SRGAP3: variants seen among roughly 807,000 people sequenced by gnomAD.
SRGAP3 encodes SLIT-ROBO Rho GTPase-activating protein 3.
SRGAP3 carries 39 observed loss-of-function variants against 121.1 expected under a neutral mutation model. The ratio of observed to expected loss-of-function variants is 0.32; its 90% confidence interval spans 0.25 to 0.42. The LOEUF (loss-of-function observed/expected upper bound fraction) is 0.42, where lower values mean the gene tolerates loss of function less well. Ranked by LOEUF, SRGAP3 falls within the 10% of genes least tolerant of loss-of-function variation. SRGAP3 has a pLI of 1.00. For synonymous variants in SRGAP3, 601 were observed against 570.0 expected (o/e 1.05, Z -0.77); for missense variants, 1,213 against 1,470.6 (o/e 0.82, Z 2.86).
chr3:9,121,664 C>T (rs1180754943), intron 2 of SRGAP3, among the ~76,000 whole-genome samples: 1 of 152,220 alleles, frequency 6.6e-6, no homozygotes, highest in Non-Finnish European at 1.5e-5. Flanking sequence ...CCATGAGGGG[C>T]TGGCCGAGCT....
At chr3:9,082,646 G>A (rs1947296507) in intron 3 of SRGAP3, among the ~76,000 whole-genome samples, 2 of 152,172 alleles carry the variant, frequency 1.3e-5, no homozygotes, top group Admixed American at 6.5e-5. Flanking sequence ...CGTGATCTTG[G>A]CTCCCTGAGC....
intron 2 of SRGAP3, among the ~76,000 whole-genome samples, chr3:9,120,765 T>C (rs971422124): frequency 1.3e-5 from 2 of 152,214 alleles, no homozygotes; most frequent in African/African-American, 4.8e-5. Flanking sequence ...TGGATATGTG[T>C]TGTAGAAAAG....
intron 3 of SRGAP3, among the ~76,000 whole-genome samples, chr3:9,322,303 A>G (rs1955450506): frequency 1.3e-5 from 2 of 151,834 alleles, no homozygotes; most frequent in South Asian, 4.1e-4. Context: ...TTTAAGGTGG[A>G]TTGGACTTTC....
intron 1 of SRGAP3, among the ~76,000 whole-genome samples, chr3:9,131,120 G>A (rs549242718): frequency 2.0e-5 from 3 of 152,354 alleles, no homozygotes; most frequent in South Asian, 2.1e-4. Flanking sequence ...AGGAGCCTAC[G>A]AGCTGGCACA....
At chr3:9,050,636 G>A (rs962691422) in intron 9 of SRGAP3, among the ~76,000 whole-genome samples, 2 of 152,226 alleles carry the variant, frequency 1.3e-5, no homozygotes, top group Non-Finnish European at 2.9e-5. Flanking sequence ...ATGACCATTA[G>A]TCATAGATAC....
chr3:9,165,269 G>A (rs1276447364), intron 1 of SRGAP3, among the ~76,000 whole-genome samples: 1 of 152,252 alleles, frequency 6.6e-6, no homozygotes, highest in Non-Finnish European at 1.5e-5. Flanking sequence ...TGCCCACCAT[G>A]TTGGCCAGCA....
chr3:9,348,473 C>A (rs1276953656), intron 1 of SRGAP3: 2 of 705,610 alleles, frequency 2.8e-6, no homozygotes, highest in African/African-American at 1.7e-5. Flanking sequence ...GTTGATCCAG[C>A]ATGGCGAGAG....
chr3:9,233,375 T>G (rs1376683435), intron 1 of SRGAP3, among the ~76,000 whole-genome samples: 2 of 152,226 alleles, frequency 1.3e-5, no homozygotes, highest in Non-Finnish European at 2.9e-5. Flanking sequence ...TCTCTGTGAC[T>G]TTAGCTTAAT....
At chr3:9,180,706 G>A (rs1951361691) in intron 1 of SRGAP3, among the ~76,000 whole-genome samples, 1 of 152,174 alleles carries the variant, frequency 6.6e-6, no homozygotes, top group Admixed American at 6.5e-5. Context: ...CCGCGAATCT[G>A]TCTCCTGGCC....
At chr3:8,994,072 G>A (rs979471095) in intron 19 of SRGAP3, 2 of 489,762 alleles carry the variant, frequency 4.1e-6, no homozygotes, top group South Asian at 4.1e-5. Context: ...GGTGGGTGAT[G>A]GCACTCCCTG....
At chr3:9,045,356 T>G (rs368622799) in intron 10 of SRGAP3, among the ~76,000 whole-genome samples, 6 of 152,126 alleles carry the variant, frequency 3.9e-5, no homozygotes, top group East Asian at 3.9e-4. Context: ...CTTCTGAAAA[T>G]GCATTTTCCG....
intron 1 of SRGAP3, among the ~76,000 whole-genome samples, chr3:9,352,457 A>G (rs1038342354): frequency 6.6e-6 from 1 of 152,014 alleles, no homozygotes; most frequent in African/African-American, 2.4e-5. Flanking sequence ...TATTATTAGT[A>G]GAGATAGGGT....
At position 9,218,554 on chromosome 3, in the gene SRGAP3, G is replaced by A. The variant is rs546956226; in HGVS notation, c.67+30331C>T. The A allele has an allele frequency of 3.3e-5, 5 of 152,214 alleles. No individual in the cohort carries two copies. Among genetic ancestry groups the A allele is most frequent in the African/African-American group, 1.2e-4 (5 of 41,504 alleles). The allele number at this position is 152,214 out of a possible 1,614,324, so 9.4% of individuals were successfully genotyped here. ...CAATCCAGCACAGTTGGCACATCAGGTAGAAACTATTTCCCACCGCTGATT... is the reference window on the plus strand; with the variant it reads ...CAATCCAGCACAGTTGGCACATCAGATAGAAACTATTTCCCACCGCTGATT... On this transcript the variant is annotated intron_variant, in intron 1 of 21. Transcript: ENST00000383836. This position sits in a 1 kb window ranked among gnomAD's most constrained non-coding sequence, Gnocchi z 5.3.
chr3:9,026,966 G>T lies in SRGAP3; in HGVS notation c.1569C>A (p.Val523=), dbSNP rs753327611. Residue 523 remains valine (V), a synonymous_variant, in exon 13 of 22, where the codon GTC becomes GTA. Transcript: ENST00000383836. ...KDSGQAIPLV[V]ESCIRYINLY... ...AATTGATGTAACGGATGCAGCTCTC[G>T]ACTACAAGCGGTATAGCTTGTCCTG... 17 of 1,614,034 alleles carry T rather than the reference G, an allele frequency of 1.1e-5. No individual in the cohort carries two copies. Among genetic ancestry groups the T allele is most frequent in the Non-Finnish European group, 1.4e-5 (17 of 1,180,036 alleles).
intron 1 of SRGAP3, among the ~76,000 whole-genome samples, chr3:9,189,372 C>T (rs755919269): frequency 2.8e-4 from 43 of 152,126 alleles, no homozygotes; most frequent in Non-Finnish European, 2.5e-4. Context: ...TCGTTTGTCC[C>T]GAGTCCCTTC....
chr3:9,179,736 C>A (rs919002543), intron 1 of SRGAP3, among the ~76,000 whole-genome samples: 5 of 152,236 alleles, frequency 3.3e-5, no homozygotes, highest in Admixed American at 3.3e-4. Flanking sequence ...CTAACAACGT[C>A]ATCTCCACAG....
At chr3:9,359,600 G>A (rs1319769837) in intron 1 of SRGAP3, among the ~76,000 whole-genome samples, 1 of 152,178 alleles carries the variant, frequency 6.6e-6, no homozygotes, top group African/African-American at 2.4e-5. Flanking sequence ...CTTCCTCCAG[G>A]ATATGGGGTA....
intron 1 of SRGAP3, among the ~76,000 whole-genome samples, chr3:9,220,340 T>TA (rs397770985): frequency 4.0e-5 from 6 of 151,834 alleles, no homozygotes; most frequent in South Asian, 2.1e-4. Flanking sequence ...AGCAATTTTT[T>TA]AAAAAAGAAT....
rs966985961 is a variant in SRGAP3 at position 9,162,958 on chromosome 3, T to C, written c.68-38041A>G. ...ATTTCAGTCTCAGCTCTGCCACTTA[T>C]CAGCTCTGTGATTTTGAGAAAGTTA... On this transcript the variant is annotated intron_variant, in intron 1 of 21. Transcript: ENST00000383836. Among the ~76,000 whole-genome samples the C allele has an allele frequency of 5.9e-5, 9 of 152,370 alleles. No individual in the cohort carries two copies. The South Asian group carries it at 1.7e-3, about 28-fold the overall frequency.
Sources: allele counts gnomAD v4.1 joint callset (sites outside exome capture counted in the v4.1 genomes callset), GRCh38; gene constraint gnomAD v4.1.1; non-coding constraint Gnocchi (gnomAD v3.1); transcripts MANE v1.5; gene names NCBI Gene and HGNC (gene_info 2026-07-23, HGNC 2026-07-21).